The following ZNF613 variants were observed in gnomAD, a reference collection of about 807,000 sequenced individuals.
ZNF613 encodes zinc finger protein 613.
Under a neutral mutation model 14.3 loss-of-function variants are expected in ZNF613, and 8 were observed. That is an observed-to-expected ratio of 0.56 (90% CI 0.33 to 1.01). ZNF613 has a LOEUF of 1.01. Among genes scored for constraint, ZNF613 ranks in the 50% least tolerant of loss-of-function variants. The probability of loss-of-function intolerance (pLI) is 0.03; values close to 1 mark genes in which losing one functional copy is unlikely to be tolerated. For synonymous variants in ZNF613, 228 were observed against 254.5 expected, an observed-to-expected ratio of 0.90 and a Z score of 0.99; for missense variants, 656 against 741.9, an observed-to-expected ratio of 0.88 and a Z score of 1.35.
chr19:51,944,847 G>A lies in ZNF613; in HGVS notation c.964G>A (p.Gly322Arg), dbSNP rs1451922119. The A allele has an allele frequency of 1.2e-6, 2 of 1,613,592 alleles. No individual in the cohort carries two copies. Among genetic ancestry groups the A allele is most frequent in the South Asian group, 2.2e-5 (2 of 91,068 alleles). ...GEKPHGCSLC[G>R]KAFSKRSRLT... is the part of the protein sequence containing the mutation. ...GAAACCACATGGATGCAGCCTGTGTGGGAAGGCCTTCTCCAAAAGGTCCAG... is the reference window on the plus strand; with the variant it reads ...GAAACCACATGGATGCAGCCTGTGTAGGAAGGCCTTCTCCAAAAGGTCCAG... The change falls in exon 6 of 6, where the codon GGG (glycine) becomes AGG (arginine). Residue 322 changes from glycine (G) to arginine (R), a missense_variant. Coordinates refer to ENST00000293471, the MANE Select transcript of ZNF613 (RefSeq NM_001031721.4).
Position 51,944,312 on chromosome 19 carries a change from C to T in ZNF613, c.429C>T (p.Val143=). Residue 143 remains valine (V), a synonymous_variant, in exon 6 of 6, where the codon GTC becomes GTT. Coordinates refer to ENST00000293471, the MANE Select transcript of ZNF613 (RefSeq NM_001031721.4). ...GKILKSNLSL[V]NQNKRYEIKN... ...TACTGAAATCAAATTTAAGTTTAGT[C>T]AACCAGAACAAAAGGTATGAAATCA... 1 of 1,593,506 alleles carries T rather than the reference C, an allele frequency of 6.3e-7. No homozygotes were observed. Among genetic ancestry groups the T allele is most frequent in the East Asian group, 2.3e-5 (1 of 44,436 alleles).
rs149373812 is a variant in ZNF613 at position 51,946,222 on chromosome 19, A to G, written c.*485A>G. ...CACACGAAGCAAATAAGCCCTGTGAAAAGGAGTATTTTAGAGATTTCGATC... is the reference window on the plus strand; with the variant it reads ...CACACGAAGCAAATAAGCCCTGTGAGAAGGAGTATTTTAGAGATTTCGATC... On this transcript the variant is annotated 3_prime_UTR_variant, in exon 6 of 6. Coordinates refer to ENST00000293471, the MANE Select transcript of ZNF613 (RefSeq NM_001031721.4). 3.2e-4 allele frequency: 52 copies of G among 160,088 alleles called. No individual in the cohort carries two copies. The highest frequency in any genetic ancestry group is 5.8e-4 in the Non-Finnish European group (42 of 72,428). The allele number at this position is 160,088 out of a possible 1,614,324, so 9.9% of individuals were successfully genotyped here.
At chr19:51,940,081 T>A (rs1043353893) in intron 3 of ZNF613, 128 bp from the exon 4 acceptor site, 77 of 1,236,360 alleles carry the variant, frequency 6.2e-5, no homozygotes, top group South Asian at 2.9e-4. Flanking sequence ...TGTATTTTTT[T>A]AAAAATCACA....
rs771713778 is a variant in ZNF613, at chr19:51,944,517, G to C, written c.634G>C (p.Ala212Pro). 6.2e-7 allele frequency: 1 copy of C among 1,612,648 alleles called. No homozygotes were observed. The highest frequency in any genetic ancestry group is 8.5e-7 in the Non-Finnish European group (1 of 1,178,942). The change falls in exon 6 of 6, where the codon GCT (alanine) becomes CCT (proline). Residue 212 changes from alanine (A) to proline (P), a missense_variant. By Grantham distance (27) the Ala-to-Pro change is conservative. Transcript: ENST00000293471. The stretch of plus-strand genomic sequence containing the variant: ...CCATGTATGCACTGAGTGTGGGAAG[G>C]CTTTCCTCAAGAAGTCTCGCCTCAT... ...KPHVCTECGKAFLKKSRLIYH... is the reference protein window; with the variant it reads ...KPHVCTECGKPFLKKSRLIYH...
chr19:51,933,226 G>A (rs1051915250), intron 2 of ZNF613, among the ~76,000 whole-genome samples: 3 of 152,228 alleles, frequency 2.0e-5, no homozygotes, highest in African/African-American at 4.8e-5. Context: ...GCTTTTGAAT[G>A]GTATAATTTC....
intron 1 of ZNF613, among the ~76,000 whole-genome samples, chr19:51,928,267 C>T (rs563473322): frequency 6.6e-6 from 1 of 152,074 alleles, no homozygotes; most frequent in East Asian, 1.9e-4. Flanking sequence ...AGGAGGAGCC[C>T]GGGTTCATGT....
At chr19:51,935,079 G>C (rs1269700949) in intron 2 of ZNF613, among the ~76,000 whole-genome samples, 1 of 152,100 alleles carries the variant, frequency 6.6e-6, no homozygotes, top group Non-Finnish European at 1.5e-5. Flanking sequence ...ATTCCACCCA[G>C]GTGGAAGGAA....
chr19:51,935,722 G>A (rs2085300805), intron 2 of ZNF613, among the ~76,000 whole-genome samples: 1 of 152,162 alleles, frequency 6.6e-6, no homozygotes, highest in South Asian at 2.1e-4. Context: ...TCTAAAACCT[G>A]ATCTAAGAAG....
rs1318005836 is a variant in ZNF613, at chr19:51,944,817, G to A, written c.934G>A (p.Gly312Arg). ...CATTAATCATCAGAGAGTTCATACA[G>A]GAGAGAAACCACATGGATGCAGCCT... ...RLINHQRVHT[G>R]EKPHGCSLCG... is the part of the protein sequence containing the mutation. Residue 312 changes from glycine (G) to arginine (R), a missense_variant, in exon 6 of 6, where the codon GGA (glycine) becomes AGA (arginine). Physicochemically the swap from Gly to Arg is moderately radical, Grantham distance 125. Transcript: ENST00000293471. 3 of 1,613,474 alleles carry A rather than the reference G, an allele frequency of 1.9e-6. No individual in the cohort carries two copies. Among genetic ancestry groups the A allele is most frequent in the Admixed American group, 1.7e-5 (1 of 59,888 alleles).
chr19:51,944,830 A>G lies in ZNF613; in HGVS notation c.947A>G (p.His316Arg). The G allele has an allele frequency of 1.9e-6, 3 of 1,613,936 alleles. No individual in the cohort carries two copies. Among genetic ancestry groups the G allele is most frequent in the Non-Finnish European group, 1.7e-6 (2 of 1,179,996 alleles). Reference sequence around the variant, plus strand: ...AGAGTTCATACAGGAGAGAAACCACATGGATGCAGCCTGTGTGGGAAGGCC... The same window carrying G: ...AGAGTTCATACAGGAGAGAAACCACGTGGATGCAGCCTGTGTGGGAAGGCC... ...HQRVHTGEKP[H>R]GCSLCGKAFS... Residue 316 changes from histidine (H) to arginine (R), a missense_variant, in exon 6 of 6, where the codon CAT (histidine) becomes CGT (arginine). Physicochemically the swap from His to Arg is conservative, Grantham distance 29. Coordinates refer to ENST00000293471, the MANE Select transcript of ZNF613 (RefSeq NM_001031721.4).
Position 51,944,830 on chromosome 19 carries a change from A to T in ZNF613, c.947A>T (p.His316Leu). 1 of 1,613,936 alleles carries T rather than the reference A, an allele frequency of 6.2e-7. No homozygotes were observed. Among genetic ancestry groups the T allele is most frequent in the Non-Finnish European group, 8.5e-7 (1 of 1,179,996 alleles). Reference protein sequence around the residue: ...HQRVHTGEKPHGCSLCGKAFS... With the variant: ...HQRVHTGEKPLGCSLCGKAFS... Reference sequence around the variant, plus strand: ...AGAGTTCATACAGGAGAGAAACCACATGGATGCAGCCTGTGTGGGAAGGCC... The same window carrying T: ...AGAGTTCATACAGGAGAGAAACCACTTGGATGCAGCCTGTGTGGGAAGGCC... Residue 316 changes from histidine (H) to leucine (L), a missense_variant, in exon 6 of 6, where the codon CAT becomes CTT. By Grantham distance (99) the His-to-Leu change is moderately conservative. Coordinates refer to ENST00000293471, the MANE Select transcript of ZNF613 (RefSeq NM_001031721.4).
intron 2 of ZNF613, among the ~76,000 whole-genome samples, chr19:51,930,453 G>C (rs980132441): frequency 1.6e-4 from 24 of 152,020 alleles, no homozygotes; most frequent in Admixed American, 1.4e-3. Context: ...GTAGAGACGG[G>C]GTTTTGCCAC....
rs147573404 is a variant in ZNF613 at position 51,940,425 on chromosome 19, G to A, written c.142+90G>A. The A allele has an allele frequency of 1.7e-4, 266 of 1,600,962 alleles. 1 individual carries two copies. In the African/African-American group the frequency reaches 3.3e-3, roughly 20 times the overall value. ...TCAAAAGCTCTGGAGGGCCTGTGGT[G>A]CTCTGAAGTGGTAGATTCTGTACCC... On this transcript the variant is annotated intron_variant, in intron 4 of 5. Transcript: ENST00000293471.
At chr19:51,936,407 G>A (rs866559335) in intron 3 of ZNF613, among the ~76,000 whole-genome samples, 172 bp downstream of exon 3, 14 of 152,292 alleles carry the variant, frequency 9.2e-5, no homozygotes, top group African/African-American at 3.1e-4. Context: ...GGACTATATT[G>A]TTTACATGTG....
chr19:51,944,047 C>G, intron 5 of ZNF613, 72 bp from the exon 6 acceptor site: 1 of 1,307,426 alleles, frequency 7.6e-7, no homozygotes, highest in Non-Finnish European at 1.0e-6. Context: ...TAGAGCCAGC[C>G]TGTACAAGAC....
Position 51,940,196 on chromosome 19 carries a change from T to C in ZNF613, c.16-13T>C. 1 of 1,612,798 alleles carries C rather than the reference T, an allele frequency of 6.2e-7. No homozygotes were observed. Among genetic ancestry groups the C allele is most frequent in the Non-Finnish European group, 8.5e-7 (1 of 1,179,196 alleles). The stretch of plus-strand genomic sequence containing the variant: ...AGAAATACTTCATATTAAGCAGGAC[T>C]CTCTTATTACAGGAATCACTGACCC... On this transcript the variant is annotated splice_polypyrimidine_tract_variant and intron_variant, in intron 3 of 5. Transcript: ENST00000293471.
chr19:51,929,202 T>C (rs912841774), intron 1 of ZNF613, among the ~76,000 whole-genome samples: 1 of 152,234 alleles, frequency 6.6e-6, no homozygotes, highest in East Asian at 1.9e-4. Flanking sequence ...ATATCATCCA[T>C]GTTTTTGTTT....
intron 2 of ZNF613, among the ~76,000 whole-genome samples, chr19:51,933,219 T>C (rs1194510018): frequency 6.6e-6 from 1 of 152,198 alleles, no homozygotes; most frequent in African/African-American, 2.4e-5. Flanking sequence ...TACGAGTGCT[T>C]TTGAATGGTA....
chr19:51,940,967 G>T (rs911527355), intron 5 of ZNF613, among the ~76,000 whole-genome samples: 3 of 151,852 alleles, frequency 2.0e-5, no homozygotes, highest in African/African-American at 7.3e-5. Context: ...GTCTCACTCT[G>T]TCACCCAGGC....
Sources: allele counts gnomAD v4.1 joint callset (sites outside exome capture counted in the v4.1 genomes callset), GRCh38; gene constraint gnomAD v4.1.1; transcripts MANE v1.5; gene names NCBI Gene and HGNC (gene_info 2026-07-23, HGNC 2026-07-21).